LRFN5: variants seen among roughly 807,000 people sequenced by gnomAD.
LRFN5 encodes leucine-rich repeat and fibronectin type-III domain-containing protein 5.
A neutral mutation model predicts 45.6 loss-of-function variants in LRFN5; 24 were observed. That is an observed-to-expected ratio of 0.53 (90% CI 0.38 to 0.74). LRFN5 has a LOEUF of 0.74. LRFN5 is among the 30% of genes least tolerant of loss of function. LRFN5 has a pLI of 0.00. For missense variants in LRFN5, 776 were observed against 861.5 expected (o/e 0.90, Z 1.24); for synonymous variants, 340 against 313.8 (o/e 1.08, Z -0.88).
chr14:41,871,409 G>A (rs917942749), intron 2 of LRFN5, among the ~76,000 whole-genome samples: 5 of 152,086 alleles, frequency 3.3e-5, no homozygotes, highest in Non-Finnish European at 5.9e-5. Flanking sequence ...TCAACATGGC[G>A]AAACCCCATC....
intron 2 of LRFN5, among the ~76,000 whole-genome samples, chr14:41,852,099 C>T (rs898566154): frequency 6.6e-6 from 1 of 151,676 alleles, no homozygotes; most frequent in Admixed American, 6.6e-5. Flanking sequence ...CCTTAAATTG[C>T]TTATTTACTA....
chr14:41,771,565 C>A (rs1440798942), intron 2 of LRFN5, among the ~76,000 whole-genome samples: 1 of 152,038 alleles, frequency 6.6e-6, no homozygotes, highest in African/African-American at 2.4e-5. Flanking sequence ...TACCCTAAGT[C>A]ATCACTCTTA....
chr14:41,621,600 T>C (rs985994121), intron 1 of LRFN5, among the ~76,000 whole-genome samples: 7 of 152,102 alleles, frequency 4.6e-5, no homozygotes, highest in African/African-American at 1.7e-4. Flanking sequence ...TAACTCGCAT[T>C]TAACAGAATA....
chr14:41,848,847 C>G (rs1200983968), intron 2 of LRFN5, among the ~76,000 whole-genome samples: 1 of 152,000 alleles, frequency 6.6e-6, no homozygotes, highest in Admixed American at 6.6e-5. Context: ...GAAATTAGTC[C>G]TGAGTTTAAT....
intron 2 of LRFN5, among the ~76,000 whole-genome samples, chr14:41,873,600 T>C (rs1566496645): frequency 1.3e-5 from 2 of 152,066 alleles, no homozygotes; most frequent in East Asian, 1.9e-4. Flanking sequence ...CTTCTGTATG[T>C]GGGTATGCCT....
intron 2 of LRFN5, among the ~76,000 whole-genome samples, chr14:41,830,918 A>G (rs922480147): frequency 1.3e-5 from 2 of 152,188 alleles, no homozygotes; most frequent in Non-Finnish European, 2.9e-5. Context: ...TTCAGAGATT[A>G]GTAGCTGTTG....
chr14:41,669,220 A>G (rs552249022), intron 1 of LRFN5, among the ~76,000 whole-genome samples: 66 of 152,094 alleles, frequency 4.3e-4, no homozygotes, highest in African/African-American at 1.4e-3. Flanking sequence ...ACATGAGGAC[A>G]TTTATAATCT....
intron 2 of LRFN5, among the ~76,000 whole-genome samples, chr14:41,873,401 G>A (rs1566496435): frequency 7.9e-6 from 1 of 127,340 alleles, no homozygotes; most frequent in African/African-American, 3.0e-5. Flanking sequence ...AAAGAGAGAG[G>A]AGAAAGAGAG....
At chr14:41,626,114 T>A (rs1043415198) in intron 1 of LRFN5, among the ~76,000 whole-genome samples, 2 of 152,164 alleles carry the variant, frequency 1.3e-5, no homozygotes, top group Non-Finnish European at 2.9e-5. Context: ...TTCAACTTTA[T>A]CTTTTTTATA....
intron 1 of LRFN5, among the ~76,000 whole-genome samples, chr14:41,663,120 G>A (rs1880733186): frequency 6.6e-6 from 1 of 152,066 alleles, no homozygotes; most frequent in East Asian, 1.9e-4. Flanking sequence ...AACATGAGAG[G>A]TGACTAACAT....
At chr14:41,828,050 A>T (rs117412298) in intron 2 of LRFN5, among the ~76,000 whole-genome samples, 1 of 151,978 alleles carries the variant, frequency 6.6e-6, no homozygotes, top group African/African-American at 2.4e-5. Flanking sequence ...CACAGTAAAA[A>T]TAAGTATGTA....
intron 2 of LRFN5, among the ~76,000 whole-genome samples, chr14:41,798,441 G>A (rs1887210159): frequency 1.3e-5 from 2 of 151,938 alleles, no homozygotes; most frequent in Non-Finnish European, 2.9e-5. Context: ...AGTAGTTGCT[G>A]TGTGCTGGCT....
chr14:41,720,213 T>C (rs1883659767), intron 1 of LRFN5, among the ~76,000 whole-genome samples: 1 of 152,114 alleles, frequency 6.6e-6, no homozygotes, highest in Non-Finnish European at 1.5e-5. Flanking sequence ...GTAGAACATG[T>C]AATTTACTTA....
intron 1 of LRFN5, among the ~76,000 whole-genome samples, chr14:41,675,091 G>A (rs1344392965): frequency 1.3e-5 from 2 of 151,206 alleles, no homozygotes; most frequent in Admixed American, 6.6e-5. Context: ...GGATGGCGGC[G>A]GGGCAGAGAC....
At chr14:41,706,333 C>T (rs1289111441) in intron 1 of LRFN5, among the ~76,000 whole-genome samples, 2 of 152,186 alleles carry the variant, frequency 1.3e-5, no homozygotes, top group East Asian at 1.9e-4. Context: ...CTCCCGACCT[C>T]GGGTGATCCT....
rs1467742296 is a variant in LRFN5, at chr14:41,721,098, G to A, written c.-196-45756G>A. Among the ~76,000 whole-genome samples the A allele has an allele frequency of 3.3e-5, 5 of 152,018 alleles. No individual in the cohort carries two copies. The East Asian group carries it at 9.6e-4, about 29-fold the overall frequency. Reference sequence around the variant, plus strand: ...GTGCATATATATTTAGAATAGTTAAGTACTCTTGTTGATTTCAACTGTTTG... The same window carrying A: ...GTGCATATATATTTAGAATAGTTAAATACTCTTGTTGATTTCAACTGTTTG... On this transcript the variant is annotated intron_variant, in intron 1 of 5. Coordinates refer to ENST00000298119, the MANE Select transcript of LRFN5 (RefSeq NM_152447.5).
chr14:41,670,051 T>A, intron 1 of LRFN5, among the ~76,000 whole-genome samples: 1 of 147,918 alleles, frequency 6.8e-6, no homozygotes, highest in South Asian at 2.1e-4. Context: ...AAATGTATAA[T>A]AAAATGTTTT....
chr14:41,650,892 AGAGAGAGGGAGGGAGG>A (rs1880086110), intron 1 of LRFN5, among the ~76,000 whole-genome samples: 1 of 92,898 alleles, frequency 1.1e-5, no homozygotes, highest in Non-Finnish European at 1.9e-5. Flanking sequence ...AGAAAGAGAG[AGAGAGAGGGAGGGAGG>A]GAGGGAGGGA....
At chr14:41,752,033 C>T (rs543181012) in intron 1 of LRFN5, among the ~76,000 whole-genome samples, 69 of 152,124 alleles carry the variant, frequency 4.5e-4, no homozygotes, top group East Asian at 1.8e-3. Context: ...TTTGTCCTTG[C>T]GACAGTTTGC....
Sources: allele counts gnomAD v4.1 joint callset (sites outside exome capture counted in the v4.1 genomes callset), GRCh38; gene constraint gnomAD v4.1.1; transcripts MANE v1.5; gene names NCBI Gene and HGNC (gene_info 2026-07-23, HGNC 2026-07-21).